Variants in STK32B observed in about 807,000 individuals in gnomAD.
STK32B encodes the protein serine/threonine kinase 32B, also known as serine/threonine-protein kinase 32B.
In STK32B, 43 loss-of-function variants were observed where a neutral mutation model predicts 52.6. The observed-to-expected ratio is 0.82, with a 90% CI of 0.64 to 1.05. The LOEUF is 1.05. STK32B is among the 50% of genes least tolerant of loss of function. STK32B has a pLI of 0.00. For missense variants in STK32B, 621 were observed against 534.6 expected, an observed-to-expected ratio of 1.16 and a Z score of -1.59; for synonymous variants, 238 against 204.3, an observed-to-expected ratio of 1.17 and a Z score of -1.41.
At chr4:5,159,701 ATATGAATATATATATGAATG>A (rs1718258787) in intron 2 of STK32B, among the ~76,000 whole-genome samples, 7 of 121,880 alleles carry the variant, frequency 5.7e-5, no homozygotes, top group Admixed American at 2.6e-4. Context: ...ATATGAATAT[ATATGAATATATATATGAATG>A]TATATGAATA....
intron 3 of STK32B, among the ~76,000 whole-genome samples, chr4:5,189,255 T>C (rs115922880): frequency 0.015 from 2,233 of 152,306 alleles, 51 homozygotes; most frequent in African/African-American, 0.051. Context: ...TATTCACCAC[T>C]GTAGTGACAT....
chr4:5,484,019 A>G (rs528654658), intron 11 of STK32B, among the ~76,000 whole-genome samples: 4 of 152,232 alleles, frequency 2.6e-5, no homozygotes, highest in African/African-American at 9.6e-5. Context: ...TATGTGGTCA[A>G]TTTTGGAATA....
intron 9 of STK32B, among the ~76,000 whole-genome samples, chr4:5,464,947 G>A (rs371253001): frequency 1.3e-5 from 2 of 152,186 alleles, no homozygotes; most frequent in East Asian, 3.9e-4. Flanking sequence ...TTAGGGGAGG[G>A]CAACTTCTGG....
intron 3 of STK32B, among the ~76,000 whole-genome samples, chr4:5,236,118 C>T (rs1317662337): frequency 2.0e-5 from 3 of 152,140 alleles, no homozygotes; most frequent in Non-Finnish European, 2.9e-5. Flanking sequence ...GGCAGAGCTG[C>T]CTTTCAAGGT....
Position 5,299,001 on chromosome 4 carries a change from C to G in STK32B, c.261-32219C>G, listed in dbSNP as rs11729284. Among the ~76,000 whole-genome samples, 1,489 of 152,162 alleles carry G rather than the reference C, an allele frequency of 9.8e-3. 12 individuals are homozygous for G. Among genetic ancestry groups the G allele is most frequent in the Non-Finnish European group, 0.016 (1,092 of 68,016 alleles). On this transcript the variant is annotated intron_variant, in intron 3 of 11. Coordinates refer to ENST00000282908, the MANE Select transcript of STK32B (RefSeq NM_018401.3). ...AGCATAGTATCTGGGCCAGATAGCACTGTCGCTCACGGCACAGTCCCTCAT... is the reference window on the plus strand; with the variant it reads ...AGCATAGTATCTGGGCCAGATAGCAGTGTCGCTCACGGCACAGTCCCTCAT...
intron 1 of STK32B, among the ~76,000 whole-genome samples, chr4:5,135,951 G>A (rs999133396): frequency 6.6e-6 from 1 of 152,172 alleles, no homozygotes; most frequent in African/African-American, 2.4e-5. Flanking sequence ...AGTTCCCAAA[G>A]TGCAGTCCCA....
chr4:5,371,410 T>A (rs1427836836), intron 4 of STK32B, among the ~76,000 whole-genome samples: 1 of 152,154 alleles, frequency 6.6e-6, no homozygotes, highest in African/African-American at 2.4e-5. Context: ...GGAATCTTGC[T>A]AAAACTGGAT....
chr4:5,221,126 C>T (rs1011549630), intron 3 of STK32B, among the ~76,000 whole-genome samples: 3 of 152,156 alleles, frequency 2.0e-5, no homozygotes, highest in Non-Finnish European at 1.5e-5. Flanking sequence ...AATTGATGTT[C>T]TTCTCTCTGT....
intron 7 of STK32B, among the ~76,000 whole-genome samples, chr4:5,448,644 T>C (rs891404773): frequency 6.6e-6 from 1 of 152,260 alleles, no homozygotes. Flanking sequence ...TTTTAATTCT[T>C]CTGAGTTTTC....
Position 5,460,983 on chromosome 4 carries a change from C to A in STK32B, c.909+755C>A, listed in dbSNP as rs1716981634. Among the ~76,000 whole-genome samples, 1 of 152,194 alleles carries A rather than the reference C, an allele frequency of 6.6e-6. No homozygotes were observed. The highest frequency in any genetic ancestry group is 2.4e-5 in the African/African-American group (1 of 41,448). On this transcript the variant is annotated intron_variant, in intron 9 of 11. Coordinates refer to ENST00000282908, the MANE Select transcript of STK32B (RefSeq NM_018401.3). This position sits in a 1 kb window ranked among gnomAD's most constrained non-coding sequence, Gnocchi z 4.8. ...TTTACATTTTAAAGGAGGGTTCTGGCAGGAGCTGGAGGCTCCTGGGTCCTC... is the reference window on the plus strand; with the variant it reads ...TTTACATTTTAAAGGAGGGTTCTGGAAGGAGCTGGAGGCTCCTGGGTCCTC...
At chr4:5,288,389 T>C (rs1728681597) in intron 3 of STK32B, among the ~76,000 whole-genome samples, 1 of 152,196 alleles carries the variant, frequency 6.6e-6, no homozygotes, top group Non-Finnish European at 1.5e-5. Flanking sequence ...AAATCCTATG[T>C]GCACCTGTGT....
the STK32B span, among the ~76,000 whole-genome samples, chr4:5,026,208 C>A: frequency 7.9e-5 from 12 of 152,152 alleles, no homozygotes; most frequent in South Asian, 1.0e-3. Context: ...TAACCCTTTC[C>A]TGCAAGCTGT....
intron 4 of STK32B, among the ~76,000 whole-genome samples, chr4:5,384,776 G>A (rs115984241): frequency 0.025 from 3,730 of 152,232 alleles, 156 homozygotes; most frequent in African/African-American, 0.084. Flanking sequence ...GTGGGTGCCC[G>A]TGGGACTGAA....
intron 1 of STK32B, among the ~76,000 whole-genome samples, chr4:5,100,528 TTCCTTCCTTCCTTTCCTCCTTTCC>T (rs1356022601): frequency 7.4e-6 from 1 of 135,144 alleles, no homozygotes; most frequent in Non-Finnish European, 1.6e-5. Flanking sequence ...TCTTCTCTCT[TTCCTTCCTTCCTTTCCTCCTTTCC>T]TCCTTCCTTC....
At chr4:5,141,210 A>G (rs1292563546) in intron 2 of STK32B, among the ~76,000 whole-genome samples, 1 of 152,228 alleles carries the variant, frequency 6.6e-6, no homozygotes, top group Admixed American at 6.5e-5. Flanking sequence ...TCAGGTTATG[A>G]CGCATTTCCA....
At chr4:5,474,583 G>A (rs1489339823) in intron 11 of STK32B, among the ~76,000 whole-genome samples, 2 of 152,190 alleles carry the variant, frequency 1.3e-5, no homozygotes, top group African/African-American at 2.4e-5. Context: ...TCACTGCTGG[G>A]AAGTAGCAAA....
intron 3 of STK32B, among the ~76,000 whole-genome samples, chr4:5,285,788 G>A (rs28717080): frequency 0.073 from 11,112 of 152,150 alleles, 428 homozygotes; most frequent in South Asian, 0.099. Context: ...ATACAACTCT[G>A]CATGAAACAG....
chr4:5,425,007 C>T (rs1560400135), intron 6 of STK32B, among the ~76,000 whole-genome samples: 1 of 152,198 alleles, frequency 6.6e-6, no homozygotes, highest in Non-Finnish European at 1.5e-5. Flanking sequence ...CTGGTCCAGA[C>T]GCAGCCTTGG....
chr4:5,172,397 G>A (rs185038823), intron 3 of STK32B, among the ~76,000 whole-genome samples: 28,350 of 151,854 alleles, frequency 0.19, 3,336 homozygotes, highest in East Asian at 0.3. Context: ...AGTTTTCAAA[G>A]GGAATGCTTC....
Sources: allele counts gnomAD v4.1 joint callset (sites outside exome capture counted in the v4.1 genomes callset), GRCh38; gene constraint gnomAD v4.1.1; non-coding constraint Gnocchi (gnomAD v3.1); transcripts MANE v1.5; gene names NCBI Gene and HGNC (gene_info 2026-07-23, HGNC 2026-07-21).